STAT2: variants seen among roughly 807,000 people sequenced by gnomAD.
The protein encoded by STAT2 is signal transducer and activator of transcription 2, also known as interferon alpha induced transcriptional activator.
Under a neutral mutation model 122.3 loss-of-function variants are expected in STAT2, and 51 were observed. The observed-to-expected ratio is 0.42, with a 90% CI of 0.33 to 0.53. STAT2 has a LOEUF of 0.53. Ranked by LOEUF, STAT2 falls within the 20% of genes least tolerant of loss-of-function variation. The pLI is 0.10. For missense variants in STAT2, 736 were observed against 1,010.3 expected (o/e 0.73, Z 3.68); for synonymous variants, 351 against 394.9 (o/e 0.89, Z 1.32).
chr12:56,344,654 T>C (rs1055918826), intron 22 of STAT2, among the ~76,000 whole-genome samples: 1 of 152,158 alleles, frequency 6.6e-6, no homozygotes, highest in Non-Finnish European at 1.5e-5. Flanking sequence ...GCAGATCACT[T>C]GAGGCCAGGA....
At chr12:56,357,970 G>A (rs1323067259) in intron 1 of STAT2, among the ~76,000 whole-genome samples, 2 of 151,934 alleles carry the variant, frequency 1.3e-5, no homozygotes, top group Non-Finnish European at 1.5e-5. Flanking sequence ...CCAAAATGCC[G>A]GGATTAACAG....
At chr12:56,356,400 G>A (rs761245864) in intron 2 of STAT2, 41 bp downstream of exon 2, 1 of 1,610,484 alleles carries the variant, frequency 6.2e-7, no homozygotes, top group Non-Finnish European at 8.5e-7. Flanking sequence ...CAGAAGTAAG[G>A]AACCACCTTT....
intron 8 of STAT2, 102 bp downstream of exon 8, chr12:56,354,364 G>A (rs973954993): frequency 6.4e-7 from 1 of 1,550,464 alleles, no homozygotes; most frequent in Non-Finnish European, 8.8e-7. Flanking sequence ...ATTCTGGGGA[G>A]CAGAGACAAA....
In STAT2 at chr12:56,356,183, T is replaced by C; in HGVS notation, c.234A>G (p.Pro78=). Residue 78 remains proline, a synonymous_variant, in exon 3 of 24, where the codon CCA becomes CCG. Transcript: ENST00000314128. ...NYECGRCSQD[P]ESLLLQHNLR... ...AATTGTGCTGCAGCAACAAGGACTCTGGGTCCTGGCTGCAACGGCCACACT... is the reference window on the plus strand; with the variant it reads ...AATTGTGCTGCAGCAACAAGGACTCCGGGTCCTGGCTGCAACGGCCACACT... 1.2e-6 allele frequency: 2 copies of C among 1,614,204 alleles called. No individual in the cohort carries two copies. Among genetic ancestry groups the C allele is most frequent in the Non-Finnish European group, 1.7e-6 (2 of 1,180,048 alleles).
At position 56,356,429 on chromosome 12, in the gene STAT2, T is replaced by G. The variant is rs377183152; in HGVS notation, c.131+12A>C. ...CACCTTTTTCATTCCCCCAACTTCC[T>G]GAAGGCCTCACCAGTTCTGGTCTTC... On this transcript the variant is annotated intron_variant, in intron 2 of 23. Coordinates refer to ENST00000314128, the MANE Select transcript of STAT2 (RefSeq NM_005419.4). 6.2e-7 allele frequency: 1 copy of G among 1,612,652 alleles called. No individual in the cohort carries two copies. Among genetic ancestry groups the G allele is most frequent in the East Asian group, 2.2e-5 (1 of 44,866 alleles).
At chr12:56,348,479 TCAAGCCCGGAAAGCA>T in intron 19 of STAT2, 35 bp downstream of exon 19, 1 of 1,600,810 alleles carries the variant, frequency 6.2e-7, no homozygotes, top group Non-Finnish European at 8.6e-7. Flanking sequence ...GACTCCACTC[TCAAGCCCGGAAAGCA>T]CAAGCCCATG....
chr12:56,348,475 A>G, intron 19 of STAT2, 54 bp downstream of exon 19: 1 of 1,586,378 alleles, frequency 6.3e-7, no homozygotes, highest in Non-Finnish European at 8.7e-7. Context: ...CAGAGACTCC[A>G]CTCTCAAGCC....
Position 56,343,809 on chromosome 12 carries a change from C to T in STAT2, c.2413+16G>A. 1 of 1,612,938 alleles carries T rather than the reference C, an allele frequency of 6.2e-7. No individual in the cohort carries two copies. The highest frequency in any genetic ancestry group is 8.5e-7 in the Non-Finnish European group (1 of 1,179,008). ...GGAATGTGTGCCATCTTCCATAGCT[C>T]CATCTCATCACTTACTTTCCATTGG... On this transcript the variant is annotated intron_variant, in intron 23 of 23. Coordinates refer to ENST00000314128, the MANE Select transcript of STAT2 (RefSeq NM_005419.4).
At chr12:56,351,257 T>G in intron 9 of STAT2, 35 bp downstream of exon 9, 1 of 1,612,392 alleles carries the variant, frequency 6.2e-7, no homozygotes, top group African/African-American at 1.3e-5. Context: ...CCCTTGTTCC[T>G]TCTTTCCCCC....
chr12:56,358,308 C>T (rs544929645), intron 1 of STAT2, among the ~76,000 whole-genome samples: 19 of 149,644 alleles, frequency 1.3e-4, no homozygotes, highest in Non-Finnish European at 2.5e-4. Flanking sequence ...TGCAGTGACA[C>T]GATCTCGGCT....
At chr12:56,345,524 AAT>A (rs1555169411) in intron 22 of STAT2, among the ~76,000 whole-genome samples, 2,418 of 26,186 alleles carry the variant, frequency 0.092, 397 homozygotes, top group Non-Finnish European at 0.1. Context: ...AAAAAAAAAA[AAT>A]ATATATATAT....
Position 56,355,351 on chromosome 12 carries a change from T to C in STAT2, c.472A>G (p.Lys158Glu). 6.2e-7 allele frequency: 1 copy of C among 1,614,184 alleles called. No individual in the cohort carries two copies. The highest frequency in any genetic ancestry group is 1.3e-5 in the African/African-American group (1 of 75,040). Residue 158 changes from lysine to glutamate, a missense_variant and splice_region_variant, in exon 6 of 24, where the codon AAG (lysine) becomes GAG (glutamate). Lys to Glu is a moderately conservative substitution (Grantham distance 56). Coordinates refer to ENST00000314128, the MANE Select transcript of STAT2 (RefSeq NM_005419.4). ...AGTTGGCTGATGGATTTTACCAGCT[T>C]CTGCAGAGGGGAGAGGACCCCGATG... Reference protein sequence around the residue: ...RILDLRAMMEKLVKSISQLKD... With the variant: ...RILDLRAMMEELVKSISQLKD...
In STAT2 at chr12:56,343,251, A is replaced by G; in HGVS notation, c.*138T>C. 2 of 1,183,162 alleles carry G rather than the reference A, an allele frequency of 1.7e-6. No homozygotes were observed. The highest frequency in any genetic ancestry group is 1.6e-5 in the South Asian group (1 of 63,084). The allele number at this position is 1,183,162 out of a possible 1,614,324, so 73.3% of individuals were successfully genotyped here. On this transcript the variant is annotated 3_prime_UTR_variant, in exon 24 of 24. Coordinates refer to ENST00000314128, the MANE Select transcript of STAT2 (RefSeq NM_005419.4). ...ATGCTTTCACCTCTCACCCCAATGG[A>G]GTCACACAGGCCTGAGTTTGAACAG...
intron 11 of STAT2, 58 bp downstream of exon 11, chr12:56,350,771 G>GT: frequency 6.3e-7 from 1 of 1,578,714 alleles, no homozygotes; most frequent in South Asian, 1.1e-5. Flanking sequence ...TGAAGAGTGA[G>GT]TATCTCCTCC....
At chr12:56,359,191 G>A (rs1879988699) in intron 1 of STAT2, among the ~76,000 whole-genome samples, 1 of 152,156 alleles carries the variant, frequency 6.6e-6, no homozygotes, top group Admixed American at 6.5e-5. Flanking sequence ...GGATTGGGCA[G>A]GGGCTATTTT....
intron 1 of STAT2, among the ~76,000 whole-genome samples, chr12:56,358,034 G>A (rs1473108922): frequency 6.6e-6 from 1 of 152,100 alleles, no homozygotes; most frequent in African/African-American, 2.4e-5. Context: ...CACTAGAGTA[G>A]AGTGAATAGT....
intron 1 of STAT2, among the ~76,000 whole-genome samples, chr12:56,358,480 A>T (rs1021553699): frequency 6.6e-6 from 1 of 152,140 alleles, no homozygotes; most frequent in African/African-American, 2.4e-5. Context: ...TTCTGACCTC[A>T]GGTGATCTGC....
rs750712812 is a variant in STAT2, at chr12:56,350,202, G to A, written c.1116-12C>T. The A allele has an allele frequency of 3.8e-6, 6 of 1,598,844 alleles. No homozygotes were observed. The highest frequency in any genetic ancestry group is 5.1e-6 in the Non-Finnish European group (6 of 1,172,386). On this transcript the variant is annotated splice_polypyrimidine_tract_variant and intron_variant, in intron 12 of 23. Coordinates refer to ENST00000314128, the MANE Select transcript of STAT2 (RefSeq NM_005419.4). Reference sequence around the variant, plus strand: ...TGAACTTCCGGAAGCTGTTCCAGGAGGAAGATACATGGAGACAAGGAATGG... The same window carrying A: ...TGAACTTCCGGAAGCTGTTCCAGGAAGAAGATACATGGAGACAAGGAATGG...
At chr12:56,354,084 A>C (rs1244350276) in intron 8 of STAT2, among the ~76,000 whole-genome samples, 36 of 131,868 alleles carry the variant, frequency 2.7e-4, no homozygotes, top group Middle Eastern at 3.9e-3. Flanking sequence ...GGATTTCAAA[A>C]TAGTATGGAC....
Sources: allele counts gnomAD v4.1 joint callset (sites outside exome capture counted in the v4.1 genomes callset), GRCh38; gene constraint gnomAD v4.1.1; transcripts MANE v1.5; gene names NCBI Gene and HGNC (gene_info 2026-07-23, HGNC 2026-07-21).